GRAMD1B: variants seen among roughly 807,000 people sequenced by gnomAD.
The protein encoded by GRAMD1B is protein Aster-B.
GRAMD1B carries 37 observed loss-of-function variants against 99.7 expected under a neutral mutation model. The observed-to-expected ratio is 0.37, with a 90% CI of 0.29 to 0.49. The LOEUF is 0.49. Ranked by LOEUF, GRAMD1B falls within the 20% of genes least tolerant of loss-of-function variation. GRAMD1B has a pLI of 0.98. For synonymous variants in GRAMD1B, 427 were observed against 387.6 expected (o/e 1.10, Z -1.19); for missense variants, 888 against 1,009.2 (o/e 0.88, Z 1.63).
chr11:123,426,751 G>A (rs151180238), upstream of GRAMD1B, among the ~76,000 whole-genome samples: 326 of 152,278 alleles, frequency 2.1e-3, 2 homozygotes, highest in Non-Finnish European at 3.9e-3. Context: ...AAGGTGTCCG[G>A]GGTGCCAGCG....
intron 1 of GRAMD1B, among the ~76,000 whole-genome samples, chr11:123,369,700 C>T (rs779350828): frequency 1.3e-4 from 20 of 150,004 alleles, no homozygotes; most frequent in African/African-American, 3.9e-4. Context: ...GGCAAAACCC[C>T]GTCTCTACTA....
Position 123,605,490 on chromosome 11 carries a change from C to G in GRAMD1B, c.1323+12C>G, listed in dbSNP as rs1952589155. The G allele has an allele frequency of 2.5e-6, 4 of 1,600,706 alleles. No individual in the cohort carries two copies. Among genetic ancestry groups the G allele is most frequent in the Non-Finnish European group, 2.6e-6 (3 of 1,172,464 alleles). On this transcript the variant is annotated intron_variant, in intron 10 of 19. Transcript: ENST00000635736. The stretch of plus-strand genomic sequence containing the variant: ...AGGCCCCCGTCTCGGTATGGGCAGT[C>G]AGCCTTTGACTTCTACCCCCAGTCC...
rs927294441 is a variant in GRAMD1B at position 123,492,832 on chromosome 11, C to A, written c.452+11939C>A. Among the ~76,000 whole-genome samples the A allele has an allele frequency of 6.9e-6, 1 of 145,412 alleles. No individual in the cohort carries two copies. Among genetic ancestry groups the A allele is most frequent in the African/African-American group, 2.6e-5 (1 of 38,390 alleles). ...AGGCAGTAGGTGGCTTAACCTCAAT[C>A]CTCTCTCTCTCTCTGTCTCTCTCTT... On this transcript the variant is annotated intron_variant, in intron 2 of 19. Transcript: ENST00000635736. The surrounding 1 kb of genome is among the most constrained non-coding windows in gnomAD (Gnocchi z 4.2).
intron 1 of GRAMD1B, among the ~76,000 whole-genome samples, chr11:123,416,748 T>C (rs760361017): frequency 6.6e-6 from 1 of 152,272 alleles, no homozygotes; most frequent in Non-Finnish European, 1.5e-5. Flanking sequence ...GTGATGACTA[T>C]ACACATGATT....
At chr11:123,380,908 A>G (rs540444417) in intron 1 of GRAMD1B, among the ~76,000 whole-genome samples, 52 of 152,166 alleles carry the variant, frequency 3.4e-4, no homozygotes, top group African/African-American at 1.3e-3. Context: ...TTCTTCCCAT[A>G]TGAGCTCCCA....
At chr11:123,602,603 C>T (rs1373220755) in intron 8 of GRAMD1B, among the ~76,000 whole-genome samples, 1 of 152,088 alleles carries the variant, frequency 6.6e-6, no homozygotes, top group African/African-American at 2.4e-5. Flanking sequence ...ACCTTCTCCC[C>T]TTCCTCCCAG....
chr11:123,437,852 G>A (rs982291099), intron 1 of GRAMD1B, among the ~76,000 whole-genome samples: 2 of 152,164 alleles, frequency 1.3e-5, no homozygotes, highest in African/African-American at 4.8e-5. Flanking sequence ...TCCATTTCCA[G>A]GAGAGCAGGG....
chr11:123,570,421 C>CTT (rs755038860), intron 2 of GRAMD1B, among the ~76,000 whole-genome samples: 38 of 130,586 alleles, frequency 2.9e-4, no homozygotes, highest in African/African-American at 8.4e-4. Context: ...TTTTTCTTTT[C>CTT]TTTTTTTTTT....
chr11:123,408,242 G>T (rs769319206), intron 1 of GRAMD1B, among the ~76,000 whole-genome samples: 1 of 152,172 alleles, frequency 6.6e-6, no homozygotes, highest in African/African-American at 2.4e-5. Context: ...AGGACTCTAC[G>T]ACTGTCACAC....
intron 2 of GRAMD1B, among the ~76,000 whole-genome samples, chr11:123,533,196 C>T (rs1943591984): frequency 6.6e-6 from 1 of 152,050 alleles, no homozygotes; most frequent in South Asian, 2.1e-4. Flanking sequence ...GTCTCAAACT[C>T]CCGAACTCAG....
chr11:123,438,125 TCTTA>T (rs754749948), intron 1 of GRAMD1B, among the ~76,000 whole-genome samples: 8 of 152,190 alleles, frequency 5.3e-5, no homozygotes, highest in Non-Finnish European at 1.0e-4. Flanking sequence ...CAGGGACCGG[TCTTA>T]CTTTGTGCCA....
intron 2 of GRAMD1B, among the ~76,000 whole-genome samples, chr11:123,515,863 G>A (rs1771793367): frequency 6.6e-6 from 1 of 152,060 alleles, no homozygotes; most frequent in South Asian, 2.1e-4. Context: ...CGCCTCCGGG[G>A]CTCCAGCAAT....
chr11:123,501,015 G>A (rs1293566892), intron 2 of GRAMD1B, among the ~76,000 whole-genome samples: 1 of 152,050 alleles, frequency 6.6e-6, no homozygotes, highest in Admixed American at 6.6e-5. Context: ...TTAACACTGT[G>A]CTTTTCCTGT....
At chr11:123,603,663 G>T in intron 9 of GRAMD1B, 122 bp downstream of exon 9, 1 of 697,662 alleles carries the variant, frequency 1.4e-6, no homozygotes. Context: ...TGGAATGAAG[G>T]AGGGAAAGTG....
At chr11:123,375,219 G>C (rs1184099900) in intron 1 of GRAMD1B, among the ~76,000 whole-genome samples, 1 of 152,092 alleles carries the variant, frequency 6.6e-6, no homozygotes, top group Non-Finnish European at 1.5e-5. Context: ...TTCAAATCTA[G>C]GTCTGATTTC....
chr11:123,386,262 A>G (rs1371026575), intron 1 of GRAMD1B, among the ~76,000 whole-genome samples: 1 of 152,020 alleles, frequency 6.6e-6, no homozygotes, highest in Non-Finnish European at 1.5e-5. Flanking sequence ...CTATTTCTAA[A>G]GATTTAGGGG....
At chr11:123,571,111 A>C (rs1948028680) in intron 2 of GRAMD1B, among the ~76,000 whole-genome samples, 1 of 152,224 alleles carries the variant, frequency 6.6e-6, no homozygotes, top group African/African-American at 2.4e-5. Flanking sequence ...ATATTTTGCA[A>C]TATCTGGGGC....
chr11:123,447,414 C>G (rs1949691268), intron 1 of GRAMD1B, among the ~76,000 whole-genome samples: 1 of 152,180 alleles, frequency 6.6e-6, no homozygotes, highest in African/African-American at 2.4e-5. Flanking sequence ...CTGTGTTTCT[C>G]AGGGAGCCCA....
chr11:123,611,650 T>G (rs1166983360), intron 14 of GRAMD1B, among the ~76,000 whole-genome samples: 1 of 152,174 alleles, frequency 6.6e-6, no homozygotes, highest in Non-Finnish European at 1.5e-5. Flanking sequence ...ATCTTTCAAT[T>G]GCATCTTTTC....
Sources: gnomAD v4.1 joint callset for allele counts (sites outside exome capture counted in the v4.1 genomes callset) on GRCh38, gnomAD v4.1.1 for gene constraint, Gnocchi (gnomAD v3.1) non-coding constraint, MANE v1.5 for transcripts, NCBI Gene and HGNC (gene_info 2026-07-23, HGNC 2026-07-21) for gene names.